Variants in PCLO observed in about 807,000 individuals in gnomAD.
PCLO encodes the protein protein piccolo.
A neutral mutation model predicts 427.5 loss-of-function variants in PCLO; 82 were observed. That is an observed-to-expected ratio of 0.19 (90% CI 0.16 to 0.23). PCLO has a LOEUF of 0.23. Among genes scored for constraint, PCLO ranks in the 10% least tolerant of loss-of-function variants. The pLI is 1.00. For synonymous variants in PCLO, 2,357 were observed against 2,155.4 expected (o/e 1.09, Z -2.59); for missense variants, 6,239 against 6,115.9 (o/e 1.02, Z -0.67).
In PCLO at chr7:82,966,340, C is replaced by A; in HGVS notation, c.3448G>T (p.Val1150Leu). Residue 1150 changes from valine (V) to leucine (L), a missense_variant, in exon 4 of 25, where the codon GTG (valine) becomes TTG (leucine). Transcript: ENST00000333891. ...TTCACTAATTTTACTTGGGGAGGCA[C>A]TGCTGTTTTCTGAGATGATGATTCT... ...PTESSSQKTA[V>L]PPQVKLVKKQ... The A allele has an allele frequency of 3.1e-6, 5 of 1,613,856 alleles. No individual in the cohort carries two copies. The South Asian group carries it at 5.5e-5, about 18-fold the overall frequency.
chr7:82,974,643 A>G (rs17371806), intron 3 of PCLO, among the ~76,000 whole-genome samples: 76,066 of 152,004 alleles, frequency 0.5, 19,555 homozygotes, highest in East Asian at 0.8. Flanking sequence ...TTTATGTATT[A>G]TAAGTGTGGT....
At chr7:82,922,135 G>A (rs1053000546) in intron 6 of PCLO, among the ~76,000 whole-genome samples, 3 of 151,964 alleles carry the variant, frequency 2.0e-5, no homozygotes, top group African/African-American at 7.2e-5. Context: ...AACACTCCTG[G>A]TGGAAGTGTA....
At chr7:82,865,316 C>T (rs528256906) in intron 10 of PCLO, among the ~76,000 whole-genome samples, 21 of 152,024 alleles carry the variant, frequency 1.4e-4, no homozygotes, top group Non-Finnish European at 2.5e-4. Flanking sequence ...GGTGAAACCC[C>T]GCATCTACTA....
chr7:82,965,631 G>C, intron 4 of PCLO, 140 bp downstream of exon 4: 1 of 600,214 alleles, frequency 1.7e-6, no homozygotes. Flanking sequence ...AGTCAAACAA[G>C]TGTTATACTT....
At chr7:82,929,954 G>T (rs1794801261) in intron 6 of PCLO, among the ~76,000 whole-genome samples, 1 of 152,134 alleles carries the variant, frequency 6.6e-6, no homozygotes. Context: ...AAAGATGAAT[G>T]ACTCTGGTAT....
At chr7:83,145,767 A>C (rs2116652688) in intron 2 of PCLO, among the ~76,000 whole-genome samples, 1 of 152,326 alleles carries the variant, frequency 6.6e-6, no homozygotes, top group East Asian at 1.9e-4. Flanking sequence ...TGTGATTTTT[A>C]GCTTACGAAT....
chr7:82,855,974 A>G (rs1340365468), intron 10 of PCLO, among the ~76,000 whole-genome samples: 1 of 152,090 alleles, frequency 6.6e-6, no homozygotes, highest in Admixed American at 6.6e-5. Context: ...TGAACACTAG[A>G]TTCTGTGACT....
intron 10 of PCLO, among the ~76,000 whole-genome samples, chr7:82,878,523 A>C (rs1793427710): frequency 6.6e-6 from 1 of 152,216 alleles, no homozygotes; most frequent in African/African-American, 2.4e-5. Context: ...TTTATGTTAG[A>C]GAATCTGGAG....
In PCLO at chr7:83,134,363, T is replaced by C. The variant is rs777280437; in HGVS notation, c.3187A>G (p.Lys1063Glu). 3.7e-6 allele frequency: 6 copies of C among 1,613,658 alleles called. No homozygotes were observed. In the Admixed American group the frequency reaches 1.0e-4, roughly 27 times the overall value. ...TTAGAACCTATGTTGAGTTCAGTTT[T>C]GCAGAGAGGACAGGTTGATTCTGGT... ...PKPESTCPLC[K>E]TELNIGSKDP... is the part of the protein sequence containing the mutation. The change falls in exon 3 of 25, where the codon AAA becomes GAA. Residue 1063 changes from lysine (K) to glutamate (E), a missense_variant. Transcript: ENST00000333891.
chr7:82,821,355 A>G, intron 20 of PCLO: 1 of 985,926 alleles, frequency 1.0e-6, no homozygotes, highest in Non-Finnish European at 1.2e-6. Context: ...AACCAGCTTA[A>G]ATGTTATTCA....
chr7:82,991,516 G>T (rs897299156), intron 3 of PCLO, among the ~76,000 whole-genome samples: 3 of 151,944 alleles, frequency 2.0e-5, no homozygotes, highest in African/African-American at 7.3e-5. Flanking sequence ...GAAAGTCTTT[G>T]CTCATAACTA....
chr7:82,755,177 T>A lies in PCLO; in HGVS notation c.*3398A>T, dbSNP rs529673211. 4 of 152,286 alleles carry A rather than the reference T, an allele frequency of 2.6e-5. No individual in the cohort carries two copies. In the East Asian group the frequency reaches 5.8e-4, roughly 22 times the overall value. 9.4% of individuals were successfully genotyped at this position (152,286 alleles called of 1,614,324 possible). On this transcript the variant is annotated 3_prime_UTR_variant, in exon 25 of 25. Transcript: ENST00000333891. ...TATCAGCTGGTTACCAGCTATAATA[T>A]TCCCACAATATGACTATTTAAATGT... is the stretch of plus-strand genomic sequence containing the variant.
rs1472573806 is a variant in PCLO at position 82,952,785 on chromosome 7, A to G, written c.8168T>C (p.Leu2723Pro). The G allele has an allele frequency of 1.7e-5, 27 of 1,613,522 alleles. No individual in the cohort carries two copies. Among genetic ancestry groups the G allele is most frequent in the Non-Finnish European group, 2.1e-5 (25 of 1,179,706 alleles). The change falls in exon 5 of 25, where the codon CTT becomes CCT. Residue 2723 changes from leucine to proline, a missense_variant. Physicochemically the swap from Leu to Pro is moderately conservative, Grantham distance 98. This residue lies in a region of PCLO where 4,677 missense variants were observed against 4,468.4 expected (regional missense o/e 1.05). Coordinates refer to ENST00000333891, the MANE Select transcript of PCLO (RefSeq NM_033026.6). ...PQYKEDGKLQLVGDVIDLRTV... is the reference protein window; with the variant it reads ...PQYKEDGKLQPVGDVIDLRTV... ...ACGCAAATCAATTACATCACCAACA[A>G]GTTGCAATTTTCCATCTTCTTTATA...
In PCLO at chr7:82,970,559, G is replaced by C. The variant is rs17156938; in HGVS notation, c.3301-4072C>G. ...CAACAATCAGAAATGCTAAACTGGT[G>C]GTCTCATATGTGTCTCTTCTCTTTT... is the stretch of plus-strand genomic sequence containing the variant. On this transcript the variant is annotated intron_variant, in intron 3 of 24. Transcript: ENST00000333891. Among the ~76,000 whole-genome samples, 1,388 of 151,858 alleles carry C rather than the reference G, an allele frequency of 9.1e-3. 19 individuals are homozygous for C. Among genetic ancestry groups the C allele is most frequent in the African/African-American group, 0.032 (1,324 of 41,486 alleles).
rs1169176820 is a variant in PCLO at position 82,756,968 on chromosome 7, A to C, written c.*1607T>G. 3 of 152,110 alleles carry C rather than the reference A, an allele frequency of 2.0e-5. No individual in the cohort carries two copies. Among genetic ancestry groups the C allele is most frequent in the African/African-American group, 7.2e-5 (3 of 41,432 alleles). 9.4% of individuals were successfully genotyped at this position (152,110 alleles called of 1,614,324 possible). A position where few individuals can be genotyped will look rare whatever the true frequency, so the allele number is the denominator to read the frequency against. ...ATGTTTTTCACATATAAAATTTGAGAATTAAAAAGATATGTAATAATTATT... is the reference window on the plus strand; with the variant it reads ...ATGTTTTTCACATATAAAATTTGAGCATTAAAAAGATATGTAATAATTATT... On this transcript the variant is annotated 3_prime_UTR_variant, in exon 25 of 25. Coordinates refer to ENST00000333891, the MANE Select transcript of PCLO (RefSeq NM_033026.6).
rs780618906 is a variant in PCLO, at chr7:82,914,466, C to G, written c.13300+220G>C. ...ACAAATCAAGCAAACAATCAAGAAA[C>G]AGAACAATAAAGGAATAAAGTAAAA... On this transcript the variant is annotated intron_variant, in intron 7 of 24. Coordinates refer to ENST00000333891, the MANE Select transcript of PCLO (RefSeq NM_033026.6). 3.3e-6 allele frequency: 2 copies of G among 614,452 alleles called. 1 individual carries two copies. The highest frequency in any genetic ancestry group is 4.0e-5 in the South Asian group (2 of 50,496). The allele number at this position is 614,452 out of a possible 1,614,324, so 38.1% of individuals were successfully genotyped here.
At chr7:83,068,833 T>C (rs1789735853) in intron 3 of PCLO, among the ~76,000 whole-genome samples, 1 of 152,278 alleles carries the variant, frequency 6.6e-6, no homozygotes, top group South Asian at 2.1e-4. Flanking sequence ...CCCATGTTCA[T>C]TGCAGCATTA....
At chr7:83,006,958 A>T (rs1457034371) in intron 3 of PCLO, among the ~76,000 whole-genome samples, 1 of 151,390 alleles carries the variant, frequency 6.6e-6, no homozygotes. Context: ...ACATTATAGC[A>T]TGCTATATTT....
chr7:83,139,014 T>C (rs1791798649), intron 2 of PCLO, among the ~76,000 whole-genome samples: 1 of 152,096 alleles, frequency 6.6e-6, no homozygotes, highest in African/African-American at 2.4e-5. Context: ...AAAATCCCAA[T>C]TCAAGTTGTT....
Sources: gnomAD v4.1 joint callset for allele counts (sites outside exome capture counted in the v4.1 genomes callset) on GRCh38, gnomAD v4.1.1 for gene constraint, gnomAD v4.1.1 regional missense constraint, MANE v1.5 for transcripts, NCBI Gene and HGNC (gene_info 2026-07-23, HGNC 2026-07-21) for gene names.